Variants in ARIH1 observed in about 807,000 individuals in gnomAD.
ARIH1 encodes ariadne RBR E3 ubiquitin protein ligase 1.
ARIH1 carries 8 observed loss-of-function variants against 85.0 expected under a neutral mutation model. That is an observed-to-expected ratio of 0.09 (90% CI 0.06 to 0.17). ARIH1 has a LOEUF of 0.17. ARIH1 is among the 10% of genes least tolerant of loss of function. The pLI is 1.00. For missense variants in ARIH1, 311 were observed against 718.1 expected (o/e 0.43, Z 6.48); for synonymous variants, 238 against 253.6 (o/e 0.94, Z 0.59).
At position 72,495,882 on chromosome 15, in the gene ARIH1, A is replaced by G. The variant is rs1368264653; in HGVS notation, c.375+20868A>G. Among the ~76,000 whole-genome samples the G allele has an allele frequency of 3.3e-5, 5 of 152,268 alleles. No homozygotes were observed. In the East Asian group the frequency reaches 9.6e-4, roughly 29 times the overall value. On this transcript the variant is annotated intron_variant, in intron 1 of 13. Transcript: ENST00000379887. ...ATATATGCTATATAAACTATGATATACAAATATATATACTATACAAAAATA... is the reference window on the plus strand; with the variant it reads ...ATATATGCTATATAAACTATGATATGCAAATATATATACTATACAAAAATA...
intron 2 of ARIH1, among the ~76,000 whole-genome samples, chr15:72,521,553 T>A (rs2063999989): frequency 6.6e-6 from 1 of 152,128 alleles, no homozygotes; most frequent in African/African-American, 2.4e-5. Context: ...TCTAACTTTT[T>A]TTTTTTTAAG....
At chr15:72,559,684 T>G (rs1482938341) in intron 5 of ARIH1, among the ~76,000 whole-genome samples, 1 of 152,218 alleles carries the variant, frequency 6.6e-6, no homozygotes, top group Non-Finnish European at 1.5e-5. Context: ...CGTTAAGCAG[T>G]CATTCGCTAT....
chr15:72,493,337 A>G (rs2140397548), intron 1 of ARIH1, among the ~76,000 whole-genome samples: 1 of 152,228 alleles, frequency 6.6e-6, no homozygotes, highest in South Asian at 2.1e-4. Context: ...TGGATTGTTG[A>G]TTAGAAAGAT....
At chr15:72,578,232 C>T (rs28832330) in intron 11 of ARIH1, among the ~76,000 whole-genome samples, 2,254 of 152,270 alleles carry the variant, frequency 0.015, 53 homozygotes, top group Admixed American at 0.056. Context: ...CGAAGTCACG[C>T]GCAACATCTG....
At chr15:72,486,216 G>A (rs554501663) in intron 1 of ARIH1, among the ~76,000 whole-genome samples, 2 of 152,098 alleles carry the variant, frequency 1.3e-5, no homozygotes, top group South Asian at 4.1e-4. Flanking sequence ...AGTTACCTGA[G>A]GTGTGCAGCA....
chr15:72,521,680 C>T (rs575165611), intron 2 of ARIH1, among the ~76,000 whole-genome samples: 221 of 152,134 alleles, frequency 1.5e-3, no homozygotes, highest in African/African-American at 5.0e-3. Flanking sequence ...TCCTGAGTAG[C>T]TGGGGTTACA....
intron 3 of ARIH1, among the ~76,000 whole-genome samples, chr15:72,554,539 A>G (rs556538587): frequency 1.3e-5 from 2 of 152,134 alleles, no homozygotes; most frequent in East Asian, 3.9e-4. Flanking sequence ...GGCATGTGCT[A>G]CCACACCTGG....
At chr15:72,553,372 C>G (rs751042250) in intron 3 of ARIH1, among the ~76,000 whole-genome samples, 1 of 152,128 alleles carries the variant, frequency 6.6e-6, no homozygotes, top group Non-Finnish European at 1.5e-5. Flanking sequence ...CTTAGCTATT[C>G]TGAATAAATC....
At chr15:72,562,789 G>A (rs984779920) in intron 6 of ARIH1, among the ~76,000 whole-genome samples, 7 of 151,366 alleles carry the variant, frequency 4.6e-5, no homozygotes, top group African/African-American at 1.7e-4. Context: ...GTTTTTAATG[G>A]TCACATACAT....
At chr15:72,563,737 A>G (rs2064206993) in intron 7 of ARIH1, among the ~76,000 whole-genome samples, 1 of 152,196 alleles carries the variant, frequency 6.6e-6, no homozygotes, top group African/African-American at 2.4e-5. Context: ...TGGAGAAAAT[A>G]TACAACTCTA....
chr15:72,490,068 G>A (rs2063852941), intron 1 of ARIH1, among the ~76,000 whole-genome samples: 1 of 151,970 alleles, frequency 6.6e-6, no homozygotes, highest in African/African-American at 2.4e-5. Context: ...AGTCACCACA[G>A]ATTTTTCAGG....
intron 1 of ARIH1, among the ~76,000 whole-genome samples, chr15:72,488,226 T>C (rs553558673): frequency 6.6e-6 from 1 of 152,108 alleles, no homozygotes; most frequent in South Asian, 2.1e-4. Flanking sequence ...TATTTTTATT[T>C]ATTTATTTTT....
At chr15:72,476,659 G>T (rs2063796309) in intron 1 of ARIH1, among the ~76,000 whole-genome samples, 4 of 152,192 alleles carry the variant, frequency 2.6e-5, no homozygotes, top group Admixed American at 2.6e-4. Context: ...ACCGTGCCCG[G>T]CCTGTAGAAG....
intron 1 of ARIH1, among the ~76,000 whole-genome samples, chr15:72,496,009 C>T (rs879908550): frequency 6.6e-6 from 1 of 152,130 alleles, no homozygotes; most frequent in Non-Finnish European, 1.5e-5. Context: ...CTCCTGGGCT[C>T]GAGCAATCCT....
intron 1 of ARIH1, among the ~76,000 whole-genome samples, chr15:72,480,563 A>T (rs2063812401): frequency 6.7e-6 from 1 of 149,634 alleles, no homozygotes; most frequent in African/African-American, 2.5e-5. Flanking sequence ...GCCCAGCCAC[A>T]CTTTTTGTTG....
intron 11 of ARIH1, among the ~76,000 whole-genome samples, chr15:72,577,916 C>G (rs1444410750): frequency 1.3e-5 from 2 of 152,164 alleles, no homozygotes; most frequent in African/African-American, 2.4e-5. Context: ...AATCCTCTTT[C>G]CATTTGCTTT....
chr15:72,493,825 A>G (rs142516880), intron 1 of ARIH1, among the ~76,000 whole-genome samples: 1 of 152,284 alleles, frequency 6.6e-6, no homozygotes, highest in African/African-American at 2.4e-5. Context: ...TTAAAAAGTT[A>G]AAACAGTCTT....
chr15:72,580,187 T>C (rs911584572), intron 11 of ARIH1, among the ~76,000 whole-genome samples: 2 of 152,176 alleles, frequency 1.3e-5, no homozygotes, highest in Non-Finnish European at 1.5e-5. Context: ...GATCATGTAG[T>C]ATTTCTTTTC....
At chr15:72,520,416 T>G (rs1420688495) in intron 2 of ARIH1, among the ~76,000 whole-genome samples, 5 of 152,040 alleles carry the variant, frequency 3.3e-5, no homozygotes, top group Non-Finnish European at 5.9e-5. Context: ...TATTCAACCT[T>G]TCTGGGTTTT....
Sources: gnomAD v4.1 joint callset for allele counts (sites outside exome capture counted in the v4.1 genomes callset) on GRCh38, gnomAD v4.1.1 for gene constraint, MANE v1.5 for transcripts, NCBI Gene and HGNC (gene_info 2026-07-23, HGNC 2026-07-21) for gene names.